Variants in FGFR2 observed in about 807,000 individuals in gnomAD.
The protein encoded by FGFR2 is fibroblast growth factor receptor 2, also known as BEK fibroblast growth factor receptor.
In FGFR2, 19 loss-of-function variants were observed where a neutral mutation model predicts 95.9. That is an observed-to-expected ratio of 0.20 (90% CI 0.14 to 0.29). FGFR2 has a LOEUF of 0.29. FGFR2 is among the 10% of genes least tolerant of loss of function. The pLI is 1.00. For synonymous variants in FGFR2, 392 were observed against 393.3 expected, an observed-to-expected ratio of 1.00 and a Z score of 0.04; for missense variants, 707 against 1,056.9, an observed-to-expected ratio of 0.67 and a Z score of 4.59.
rs546874019 is a variant in FGFR2, at chr10:121,577,670, C to G, written c.110-11966G>C. Among the ~76,000 whole-genome samples the G allele has an allele frequency of 3.9e-5, 6 of 152,244 alleles. No homozygotes were observed. In the South Asian group the frequency reaches 1.0e-3, roughly 26 times the overall value. ...ATCCATGGATATACCCAGAATTCTA[C>G]CTCTGGCTCTTCTGGTCCTTTCCCT... On this transcript the variant is annotated intron_variant, in intron 2 of 17. Coordinates refer to ENST00000358487, the MANE Select transcript of FGFR2 (RefSeq NM_000141.5).
At chr10:121,482,900 C>T (rs137930339) in intron 17 of FGFR2, among the ~76,000 whole-genome samples, 6 of 152,112 alleles carry the variant, frequency 3.9e-5, no homozygotes, top group African/African-American at 1.2e-4. Flanking sequence ...TGGGTTCAAG[C>T]GATTCCCCTA....
rs144093533 is a variant in FGFR2 at position 121,534,563 on chromosome 10, T to C, written c.748+4029A>G. Among the ~76,000 whole-genome samples, 188 of 151,876 alleles carry C rather than the reference T, an allele frequency of 1.2e-3. 3 individuals carry two copies. The highest frequency in any genetic ancestry group is 4.2e-3 in the African/African-American group (175 of 41,398). On this transcript the variant is annotated intron_variant, in intron 6 of 17. Transcript: ENST00000358487. ...GGCGCCCACCACCACACCCGGCTAA[T>C]TTTTGTATTTTTAGTAGAAACGAGG...
chr10:121,512,751 G>A lies in FGFR2; in HGVS notation c.1287+2366C>T, dbSNP rs115502203. 6.4e-3 allele frequency among the ~76,000 whole-genome samples: 971 copies of A among 152,060 alleles called. 13 individuals carry two copies. Among genetic ancestry groups the A allele is most frequent in the African/African-American group, 0.022 (925 of 41,420 alleles). On this transcript the variant is annotated intron_variant, in intron 9 of 17. Transcript: ENST00000358487. ...TTACATGTAACCTGATTTATACCCCGCACTTAGTAAATTATGATGAATAAA... is the reference window on the plus strand; with the variant it reads ...TTACATGTAACCTGATTTATACCCCACACTTAGTAAATTATGATGAATAAA...
chr10:121,538,206 T>C, intron 6 of FGFR2: 1 of 623,584 alleles, frequency 1.6e-6, no homozygotes, highest in Non-Finnish European at 2.9e-6. Flanking sequence ...GCTGGCCTTC[T>C]ACAGTTGCCC....
rs200204947 is a variant in FGFR2 at position 121,517,415 on chromosome 10, G to C, written c.988C>G (p.Arg330Gly). ...CCAGCGTCCTCAAAAGTTACATTCC[G>C]AATATAGAGAACCTCAATCTCTTTG... Reference protein sequence around the residue: ...TDKEIEVLYIRNVTFEDAGEY... With the variant: ...TDKEIEVLYIGNVTFEDAGEY... The change falls in exon 8 of 18, where the codon CGG (arginine) becomes GGG (glycine). Residue 330 changes from arginine to glycine, a missense_variant. By Grantham distance (125) the Arg-to-Gly change is moderately radical. Around this residue, in one of 7 missense-constraint regions of FGFR2, gnomAD observed 139 missense variants for 278.1 expected, o/e 0.50. Transcript: ENST00000358487. This position sits in a 1 kb window ranked among gnomAD's most constrained non-coding sequence, Gnocchi z 4.7. 8 of 1,614,136 alleles carry C rather than the reference G, an allele frequency of 5.0e-6. No individual in the cohort carries two copies. Among genetic ancestry groups the C allele is most frequent in the Non-Finnish European group, 5.9e-6 (7 of 1,180,010 alleles).
At chr10:121,524,058 A>G (rs1850935798) in intron 6 of FGFR2, among the ~76,000 whole-genome samples, 1 of 150,124 alleles carries the variant, frequency 6.7e-6, no homozygotes. Flanking sequence ...AGTGCTGCTG[A>G]GCTCCAGTTA....
chr10:121,482,169 C>T (rs1844834558), intron 17 of FGFR2: 1 of 1,612,826 alleles, frequency 6.2e-7, no homozygotes, highest in Admixed American at 1.7e-5. Flanking sequence ...AAGCCATAAA[C>T]TTTCAGATCT....
intron 8 of FGFR2, 34 bp from the exon 9 acceptor site, chr10:121,515,353 A>C: frequency 6.3e-7 from 1 of 1,599,120 alleles, no homozygotes; most frequent in Non-Finnish European, 8.6e-7. Context: ...GGAACAGATA[A>C]GCAGGCCATA....
chr10:121,593,667 A>G, intron 2 of FGFR2, 42 bp downstream of exon 2: 2 of 1,578,778 alleles, frequency 1.3e-6, no homozygotes, highest in Non-Finnish European at 1.7e-6. Context: ...GCCCCCAGAC[A>G]AATCCCAAAA....
At chr10:121,572,963 T>C (rs906563271) in intron 2 of FGFR2, among the ~76,000 whole-genome samples, 7 of 152,242 alleles carry the variant, frequency 4.6e-5, no homozygotes, top group Non-Finnish European at 1.0e-4. Flanking sequence ...AAAAAGGCTG[T>C]GACTTATGTG....
chr10:121,525,181 A>C (rs1851190220), intron 6 of FGFR2, among the ~76,000 whole-genome samples: 1 of 152,234 alleles, frequency 6.6e-6, no homozygotes, highest in South Asian at 2.1e-4. Flanking sequence ...ACATATAAGA[A>C]TAGACGTTCT....
chr10:121,550,729 C>T (rs1378393084), intron 5 of FGFR2, among the ~76,000 whole-genome samples: 1 of 152,182 alleles, frequency 6.6e-6, no homozygotes, highest in East Asian at 1.9e-4. Flanking sequence ...AGACTCTCAA[C>T]TTTCGACCCT....
intron 2 of FGFR2, among the ~76,000 whole-genome samples, chr10:121,587,279 T>C (rs1363570111): frequency 6.6e-6 from 1 of 152,146 alleles, no homozygotes; most frequent in African/African-American, 2.4e-5. Context: ...AAGACTTAAA[T>C]GTCAAATCCA....
At chr10:121,574,908 G>C (rs1036920044) in intron 2 of FGFR2, among the ~76,000 whole-genome samples, 1 of 152,170 alleles carries the variant, frequency 6.6e-6, no homozygotes, top group Non-Finnish European at 1.5e-5. Flanking sequence ...AGGATGAAAG[G>C]GTGCAGTCCT....
intron 2 of FGFR2, among the ~76,000 whole-genome samples, chr10:121,587,742 A>G (rs1862043929): frequency 1.1e-4 from 16 of 152,230 alleles, no homozygotes; most frequent in Admixed American, 1.0e-3. Flanking sequence ...TCAAAAAATA[A>G]TAGATGCTGG....
Position 121,518,783 on chromosome 10 carries a change from T to C in FGFR2, c.939+1196A>G, listed in dbSNP as rs777532382. 4 of 1,614,028 alleles carry C rather than the reference T, an allele frequency of 2.5e-6. No homozygotes were observed. Among genetic ancestry groups the C allele is most frequent in the East Asian group, 2.2e-5 (1 of 44,894 alleles). ...TTCCCCAGCATCCGCCTCGGTCACA[T>C]TGAACAGAGCCAGCACTTCTGCATT... On this transcript the variant is annotated intron_variant, in intron 7 of 17. Coordinates refer to ENST00000358487, the MANE Select transcript of FGFR2 (RefSeq NM_000141.5). The surrounding 1 kb of genome is among the most constrained non-coding windows in gnomAD (Gnocchi z 4.0).
chr10:121,584,312 C>G (rs1485307504), intron 2 of FGFR2, among the ~76,000 whole-genome samples: 1 of 151,798 alleles, frequency 6.6e-6, no homozygotes, highest in South Asian at 2.1e-4. Flanking sequence ...CCTCTCCAGC[C>G]TGGCCAAAAG....
chr10:121,591,834 C>G (rs1283267485), intron 2 of FGFR2, among the ~76,000 whole-genome samples: 5 of 152,182 alleles, frequency 3.3e-5, no homozygotes, highest in Admixed American at 3.3e-4. Flanking sequence ...CCAGGTTGAG[C>G]AGGCCTGCTT....
chr10:121,577,894 T>G (rs1860186425), intron 2 of FGFR2, among the ~76,000 whole-genome samples: 1 of 152,126 alleles, frequency 6.6e-6, no homozygotes, highest in African/African-American at 2.4e-5. Flanking sequence ...TCTTACACGA[T>G]GAAGGGAGTC....
Sources: allele counts gnomAD v4.1 joint callset (sites outside exome capture counted in the v4.1 genomes callset), GRCh38; gene constraint gnomAD v4.1.1; regional missense constraint gnomAD v4.1.1; non-coding constraint Gnocchi (gnomAD v3.1); transcripts MANE v1.5; gene names NCBI Gene and HGNC (gene_info 2026-07-23, HGNC 2026-07-21).